DNAH12: variants seen among roughly 807,000 people sequenced by gnomAD.
DNAH12 encodes axonemal beta dynein heavy chain 12.
A neutral mutation model predicts 371.5 loss-of-function variants in DNAH12; 285 were observed. The observed-to-expected ratio is 0.77, with a 90% CI of 0.70 to 0.85. DNAH12 has a LOEUF of 0.85. Ranked by LOEUF, DNAH12 falls within the 40% of genes least tolerant of loss-of-function variation. DNAH12 has a pLI of 0.00. For missense variants in DNAH12, 3,611 were observed against 3,689.4 expected (o/e 0.98, Z 0.55); for synonymous variants, 1,200 against 1,213.0 (o/e 0.99, Z 0.22).
At chr3:57,501,458 G>A (rs1277198276) in intron 10 of DNAH12, 46 bp from the exon 11 acceptor site, 3 of 1,439,792 alleles carry the variant, frequency 2.1e-6, no homozygotes, top group Non-Finnish European at 2.8e-6. Context: ...ACCCTTTTTA[G>A]AAGATAAAAC....
At chr3:57,371,482 A>T (rs1261332203) in intron 55 of DNAH12, among the ~76,000 whole-genome samples, 1 of 152,058 alleles carries the variant, frequency 6.6e-6, no homozygotes, top group Non-Finnish European at 1.5e-5. Flanking sequence ...AAAAGGGTAA[A>T]TTTTATGGTA....
rs764193868 is a variant in DNAH12, at chr3:57,441,857, C to A, written c.4545+2840G>T. 9.6e-4 allele frequency among the ~76,000 whole-genome samples: 146 copies of A among 152,020 alleles called. 2 individuals carry two copies. Among genetic ancestry groups the A allele is most frequent in the Non-Finnish European group, 1.0e-3 (70 of 67,972 alleles). On this transcript the variant is annotated intron_variant, in intron 29 of 73. Coordinates refer to ENST00000495027, the MANE Select transcript of DNAH12 (RefSeq NM_001366028.2). ...CAACACACAGATTCAAGCAGCATAGCAAATCCCAGGCAATAAAGTACAAAA... is the reference window on the plus strand; with the variant it reads ...CAACACACAGATTCAAGCAGCATAGAAAATCCCAGGCAATAAAGTACAAAA...
chr3:57,459,904 C>A (rs753720861), intron 19 of DNAH12, 118 bp from the exon 20 acceptor site: 3 of 878,058 alleles, frequency 3.4e-6, no homozygotes, highest in Non-Finnish European at 4.6e-6. Context: ...CATCTCACAG[C>A]TTAAGGTTAC....
At chr3:57,550,632 C>T in the DNAH12 span, among the ~76,000 whole-genome samples, 1 of 151,964 alleles carries the variant, frequency 6.6e-6, no homozygotes, top group African/African-American at 2.4e-5. Context: ...CCTGCCTCAG[C>T]TTCCCAAGCA....
chr3:57,354,394 C>T (rs998704111), intron 59 of DNAH12, among the ~76,000 whole-genome samples: 9 of 151,934 alleles, frequency 5.9e-5, no homozygotes, highest in Non-Finnish European at 1.3e-4. Flanking sequence ...CTATTGGGTA[C>T]CATGCTTATT....
chr3:57,409,552 G>GA (rs1227042144), intron 39 of DNAH12, among the ~76,000 whole-genome samples: 5 of 151,738 alleles, frequency 3.3e-5, no homozygotes, highest in Admixed American at 6.6e-5. Context: ...GACTTATATA[G>GA]AAAAAAATCA....
intron 64 of DNAH12, among the ~76,000 whole-genome samples, chr3:57,322,699 G>A (rs2061835810): frequency 6.6e-6 from 1 of 152,230 alleles, no homozygotes; most frequent in African/African-American, 2.4e-5. Context: ...GGAGGCTGAG[G>A]CGGGTGGATC....
In DNAH12 at chr3:57,415,535, G is replaced by A. The variant is rs2064344321; in HGVS notation, c.5744C>T (p.Thr1915Ile). 7 of 1,548,726 alleles carry A rather than the reference G, an allele frequency of 4.5e-6. No individual in the cohort carries two copies. The East Asian group carries it at 1.7e-4, about 38-fold the overall frequency. Residue 1915 changes from threonine (T) to isoleucine (I), a missense_variant, in exon 38 of 74, where the codon ACA becomes ATA. Transcript: ENST00000495027. The part of the protein sequence containing the change: ...KPLLFVGPTG[T>I]GKSVYVKDKL... Reference sequence around the variant, plus strand: ...ATCCTTCACATACACAGATTTTCCTGTACCCGTTGGACCCACAAAAAGGAG... The same window carrying A: ...ATCCTTCACATACACAGATTTTCCTATACCCGTTGGACCCACAAAAAGGAG...
chr3:57,427,137 A>AATGTG (rs1559646438), intron 34 of DNAH12, among the ~76,000 whole-genome samples: 211 of 70,556 alleles, frequency 3.0e-3, no homozygotes, highest in African/African-American at 8.7e-3. Context: ...GTAAGAAGCG[A>AATGTG]ATGTGTGTGT....
chr3:57,385,041 A>G (rs1168823189), intron 48 of DNAH12, 36 bp from the exon 49 acceptor site: 12 of 152,174 alleles, frequency 7.9e-5, no homozygotes, highest in Non-Finnish European at 1.3e-4. Context: ...TTTCTCAAAC[A>G]CCCTATTGCT....
At chr3:57,486,886 CAAG>C (rs1400331805) in intron 12 of DNAH12, among the ~76,000 whole-genome samples, 1 of 151,848 alleles carries the variant, frequency 6.6e-6, no homozygotes, top group African/African-American at 2.4e-5. Flanking sequence ...GATGGAGTGT[CAAG>C]AAGAAGCCAC....
chr3:57,405,260 G>A (rs1427605582), intron 41 of DNAH12, 113 bp from the exon 42 acceptor site: 1 of 920,598 alleles, frequency 1.1e-6, no homozygotes, highest in Non-Finnish European at 1.6e-6. Context: ...TTAAACATTA[G>A]GGTAGTAAAA....
At chr3:57,495,550 C>T (rs1279059454) in intron 11 of DNAH12, among the ~76,000 whole-genome samples, 1 of 147,828 alleles carries the variant, frequency 6.8e-6, no homozygotes, top group Non-Finnish European at 1.5e-5. Context: ...ATTAACCTCA[C>T]TCTAGCCTGG....
At chr3:57,489,774 A>G (rs2067055098) in intron 11 of DNAH12, 87 bp from the exon 12 acceptor site, 3 of 1,255,040 alleles carry the variant, frequency 2.4e-6, no homozygotes, top group Admixed American at 3.6e-5. Flanking sequence ...AGTCCTAATT[A>G]TATAAATACA....
At chr3:57,323,888 T>C (rs1039735939) in intron 62 of DNAH12, among the ~76,000 whole-genome samples, 1 of 152,188 alleles carries the variant, frequency 6.6e-6, no homozygotes, top group African/African-American at 2.4e-5. Flanking sequence ...GGATGCTCAA[T>C]GTCACTCATT....
intron 60 of DNAH12, among the ~76,000 whole-genome samples, chr3:57,338,396 C>T (rs568013433): frequency 5.5e-4 from 83 of 151,676 alleles, no homozygotes; most frequent in Admixed American, 1.0e-3. Context: ...TCTGCCCGGC[C>T]GCCACACTGT....
chr3:57,330,324 CAAT>C lies in DNAH12; in HGVS notation c.9978+4138_9978+4140del, dbSNP rs945495570. ...ACTTGGAACCAACCCAAATGTCCAA[CAAT>C]GATAGACTGGATTAAGAAAATGTGG... On this transcript the variant is annotated intron_variant, in intron 62 of 73. Transcript: ENST00000495027. 1.2e-3 allele frequency among the ~76,000 whole-genome samples: 184 copies of C among 151,782 alleles called. 1 individual carries two copies. Among genetic ancestry groups the C allele is most frequent in the African/African-American group, 4.3e-3 (178 of 41,350 alleles).
Position 57,437,077 on chromosome 3 carries a change from T to A in DNAH12, c.4546-17A>T. On this transcript the variant is annotated splice_polypyrimidine_tract_variant and intron_variant, in intron 29 of 73. Coordinates refer to ENST00000495027, the MANE Select transcript of DNAH12 (RefSeq NM_001366028.2). ...CAAAAATTCCTGAAATAAAAAAAAG[T>A]AATGCATTTCTACAACACAATATTA... The A allele has an allele frequency of 6.9e-7, 1 of 1,459,678 alleles. No individual in the cohort carries two copies. Among genetic ancestry groups the A allele is most frequent in the Non-Finnish European group, 9.2e-7 (1 of 1,084,716 alleles). The allele number at this position is 1,459,678 out of a possible 1,614,324, so 90.4% of individuals were successfully genotyped here.
chr3:57,529,171 T>C (rs2068755425), intron 2 of DNAH12, among the ~76,000 whole-genome samples: 1 of 152,208 alleles, frequency 6.6e-6, no homozygotes, highest in Non-Finnish European at 1.5e-5. Flanking sequence ...TGTATCAATA[T>C]TCATCTGTGA....
Sources: allele counts gnomAD v4.1 joint callset (sites outside exome capture counted in the v4.1 genomes callset), GRCh38; gene constraint gnomAD v4.1.1; transcripts MANE v1.5; gene names NCBI Gene and HGNC (gene_info 2026-07-23, HGNC 2026-07-21).